SELENOO: variants seen among roughly 807,000 people sequenced by gnomAD.
The protein encoded by SELENOO is selenoprotein O.
A neutral mutation model predicts 58.7 loss-of-function variants in SELENOO; 74 were observed. That is an observed-to-expected ratio of 1.26 (90% CI 1.04 to 1.53). The LOEUF (loss-of-function observed/expected upper bound fraction) is 1.53. Among genes scored for constraint, SELENOO ranks in the 40% most tolerant of loss-of-function variants. SELENOO has a pLI of 0.00. For missense variants in SELENOO, 1,149 were observed against 970.0 expected (o/e 1.18, Z -2.45); for synonymous variants, 543 against 453.2 (o/e 1.20, Z -2.52).
intron 5 of SELENOO, among the ~76,000 whole-genome samples, chr22:50,211,983 G>A (rs1001653542): frequency 1.1e-4 from 17 of 152,230 alleles, no homozygotes; most frequent in African/African-American, 3.4e-4. Context: ...GATTATAGGC[G>A]TGAGCCACCG....
In SELENOO at chr22:50,201,537, C is replaced by T. The variant is rs1340501228; in HGVS notation, c.501C>T (p.Thr167=). 6.4e-6 allele frequency: 9 copies of T among 1,396,410 alleles called. No homozygotes were observed. The highest frequency in any genetic ancestry group is 7.5e-6 in the Non-Finnish European group (8 of 1,071,908). 86.5% of individuals were successfully genotyped at this position (1,396,410 alleles called of 1,614,324 possible). A position where few individuals can be genotyped will look rare whatever the true frequency, so the allele number is the denominator to read the frequency against. ...AMYLGEVCTA[T]GERWELQLKG... The stretch of plus-strand genomic sequence containing the variant: ...ACCTGGGCGAGGTGTGCACGGCGAC[C>T]GGCGAGCGCTGGGAGCTGCAGCTCA... The change falls in exon 1 of 9, where the codon ACC becomes ACT. Residue 167 remains threonine (T), a synonymous_variant. Transcript: ENST00000380903.
intron 2 of SELENOO, among the ~76,000 whole-genome samples, chr22:50,207,473 C>T (rs2064340250): frequency 1.3e-5 from 2 of 151,968 alleles, no homozygotes; most frequent in Non-Finnish European, 2.9e-5. Context: ...TCTAGCACTT[C>T]CTCCTGAACA....
At chr22:50,216,005 C>G in intron 6 of SELENOO, 138 bp downstream of exon 6, 1 of 668,802 alleles carries the variant, frequency 1.5e-6, no homozygotes, top group Non-Finnish European at 2.5e-6. Context: ...CAGATTCAGT[C>G]AGGGCTTCAG....
chr22:50,212,821 AC>A (rs2068455719), intron 5 of SELENOO, among the ~76,000 whole-genome samples: 1 of 151,096 alleles, frequency 6.6e-6, no homozygotes, highest in Non-Finnish European at 1.5e-5. Flanking sequence ...AAGTGGAGTT[AC>A]GCAGCGTGTG....
intron 6 of SELENOO, 55 bp downstream of exon 6, chr22:50,215,922 C>T: frequency 6.7e-7 from 1 of 1,491,054 alleles, no homozygotes; most frequent in Non-Finnish European, 9.2e-7. Context: ...GAAGCATAAT[C>T]AGAAACAGAG....
Position 50,201,113 on chromosome 22 carries a change from C to A in SELENOO, c.77C>A (p.Ser26Ter), listed in dbSNP as rs768040857. 3.0e-6 allele frequency: 4 copies of A among 1,341,458 alleles called. No homozygotes were observed. The South Asian group carries it at 7.6e-5, about 25-fold the overall frequency. The allele number at this position is 1,341,458 out of a possible 1,614,324, so 83.1% of individuals were successfully genotyped here. Residue 26 changes from serine to a stop codon, truncating the protein, a stop_gained, in exon 1 of 9, where the codon TCG becomes TAG. Coordinates refer to ENST00000380903, the MANE Select transcript of SELENOO (RefSeq NM_031454.2). LOFTEE classifies it high-confidence loss of function. ...TTGCCCCTCGGTCGCTGTTCCCCGTCGCCGGCGCCCCGCTCTACGTTGTCG... is the reference window on the plus strand; with the variant it reads ...TTGCCCCTCGGTCGCTGTTCCCCGTAGCCGGCGCCCCGCTCTACGTTGTCG... Reference protein sequence around the residue: ...RLLPLGRCSPSPAPRSTLSGA... With the variant: ...RLLPLGRCSP
At chr22:50,215,652 G>C in intron 5 of SELENOO, 65 bp from the exon 6 acceptor site, 6 of 1,258,566 alleles carry the variant, frequency 4.8e-6, no homozygotes, top group Non-Finnish European at 6.6e-6. Flanking sequence ...GGGGGGGTCT[G>C]TGTGGCACCA....
Position 50,201,481 on chromosome 22 carries a change from G to A in SELENOO, c.445G>A (p.Ala149Thr). ...CYCGHQFGQF[A>T]GQLGDGAAMY... ...CTGCGGCCACCAATTCGGCCAGTTC[G>A]CCGGGCAGCTGGGCGACGGCGCCGC... The change falls in exon 1 of 9, where the codon GCC (alanine) becomes ACC (threonine). Residue 149 changes from alanine (A) to threonine (T), a missense_variant. Coordinates refer to ENST00000380903, the MANE Select transcript of SELENOO (RefSeq NM_031454.2). 2 of 1,424,234 alleles carry A rather than the reference G, an allele frequency of 1.4e-6. No homozygotes were observed. Among genetic ancestry groups the A allele is most frequent in the Admixed American group, 2.6e-5 (1 of 38,488 alleles). The allele number at this position is 1,424,234 out of a possible 1,614,324, so 88.2% of individuals were successfully genotyped here.
Position 50,216,964 on chromosome 22 carries a change from CATTCCAG to C in SELENOO, c.1689-6_1689del, listed in dbSNP as rs1343761179. ...GGCTGTGACTCCAGAGCCCGGATGT[CATTCCAG>C]AGCCCGGCTGGACAAGGACCTGGAA... On this transcript the variant is annotated splice_acceptor_variant and splice_polypyrimidine_tract_variant and intron_variant, in intron 7 of 8. Coordinates refer to ENST00000380903, the MANE Select transcript of SELENOO (RefSeq NM_031454.2). LOFTEE classifies it high-confidence loss of function. 1.2e-6 allele frequency: 2 copies of C among 1,606,972 alleles called. No individual in the cohort carries two copies. Among genetic ancestry groups the C allele is most frequent in the East Asian group, 4.5e-5 (2 of 44,694 alleles).
intron 5 of SELENOO, 120 bp downstream of exon 5, chr22:50,211,031 T>C: frequency 9.8e-7 from 1 of 1,019,434 alleles, no homozygotes; most frequent in Non-Finnish European, 1.5e-6. Flanking sequence ...ACCCCAGCCC[T>C]GGCACCCCCA....
In SELENOO at chr22:50,216,997, G is replaced by A. The variant is rs1225667437; in HGVS notation, c.1714G>A (p.Gly572Ser). The A allele has an allele frequency of 6.2e-7, 1 of 1,610,998 alleles. No homozygotes were observed. The highest frequency in any genetic ancestry group is 1.7e-5 in the Admixed American group (1 of 60,000). Residue 572 changes from glycine to serine, a missense_variant, in exon 8 of 9, where the codon GGC (glycine) becomes AGC (serine). Transcript: ENST00000380903. ...AGCCCGGCTGGACAAGGACCTGGAA[G>A]GCGCTGGGGACGCTGCCGCCTGGCA... is the stretch of plus-strand genomic sequence containing the variant. ...YRARLDKDLE[G>S]AGDAAAWQAE...
In SELENOO at chr22:50,215,759, CA is replaced by C. The variant is rs760868825; in HGVS notation, c.1395del (p.Val466TrpfsTer3). On this transcript the variant is annotated frameshift_variant, in exon 6 of 9. Coordinates refer to ENST00000380903, the MANE Select transcript of SELENOO (RefSeq NM_031454.2). LOFTEE classifies it high-confidence loss of function. The stretch of plus-strand genomic sequence containing the variant: ...ACCTTCTACTTGCTGAGCTCCTTCC[CA>C]GTGGAGCTAGAGTCGCCAGGCCTGG... ...TNTFYLLSSF[P>X]VELESPGLAE... 3.7e-6 allele frequency: 6 copies of C among 1,611,138 alleles called. No individual in the cohort carries two copies. The highest frequency in any genetic ancestry group is 1.7e-4 in the Middle Eastern group (1 of 5,956).
chr22:50,201,725 G>A, intron 1 of SELENOO, 135 bp downstream of exon 1: 1 of 567,480 alleles, frequency 1.8e-6, no homozygotes, highest in Non-Finnish European at 2.6e-6. Flanking sequence ...GGAGCGCGGT[G>A]CTGGCAGCCG....
chr22:50,208,790 T>C (rs996624333), intron 3 of SELENOO, 74 bp downstream of exon 3: 2 of 1,441,316 alleles, frequency 1.4e-6, no homozygotes, highest in Admixed American at 3.7e-5. Flanking sequence ...GACACCCTCA[T>C]TTTGGCCGGG....
chr22:50,204,004 A>C (rs1299948239), intron 1 of SELENOO, among the ~76,000 whole-genome samples: 1 of 152,250 alleles, frequency 6.6e-6, no homozygotes, highest in Non-Finnish European at 1.5e-5. Flanking sequence ...CAGGAAAAAA[A>C]AATTCAAAAA....
chr22:50,208,515 C>T lies in SELENOO; in HGVS notation c.759-21C>T, dbSNP rs117080345. On this transcript the variant is annotated intron_variant, in intron 2 of 8. Transcript: ENST00000380903. ...GCTGGGGTCAGGTTTGGGCTGTTGACGCCTCGGGTCTTCCCTCCAGGTTTG... is the reference window on the plus strand; with the variant it reads ...GCTGGGGTCAGGTTTGGGCTGTTGATGCCTCGGGTCTTCCCTCCAGGTTTG... 2.5e-4 allele frequency: 396 copies of T among 1,607,528 alleles called. 3 individuals carry two copies. The East Asian group carries it at 7.2e-3, about 29-fold the overall frequency.
Position 50,210,867 on chromosome 22 carries a change from A to G in SELENOO, c.1307A>G (p.Asp436Gly). 1.2e-6 allele frequency: 2 copies of G among 1,614,120 alleles called. No individual in the cohort carries two copies. The highest frequency in any genetic ancestry group is 1.7e-6 in the Non-Finnish European group (2 of 1,180,028). Residue 436 changes from aspartate (D) to glycine (G), a missense_variant, in exon 5 of 9, where the codon GAC (aspartate) becomes GGC (glycine). Transcript: ENST00000380903. ...LGLVQVELEE[D>G]GALVSKLLET... ...CTCGTGCAGGTGGAGCTGGAGGAAGACGGGGCGCTGGTGTCCAAGCTCCTG... is the reference window on the plus strand; with the variant it reads ...CTCGTGCAGGTGGAGCTGGAGGAAGGCGGGGCGCTGGTGTCCAAGCTCCTG...
chr22:50,207,761 G>A (rs1001141804), intron 2 of SELENOO, among the ~76,000 whole-genome samples: 1 of 135,012 alleles, frequency 7.4e-6, no homozygotes, highest in Non-Finnish European at 1.6e-5. Context: ...CTTGCCTGAT[G>A]TCCCCTGGGG....
chr22:50,210,656 G>A lies in SELENOO; in HGVS notation c.1096G>A (p.Ala366Thr), dbSNP rs758666981. The stretch of plus-strand genomic sequence containing the variant: ...GTACGACCCCGACCACGTGTGCAAT[G>A]CCTCCGACAACACCGGCCGCTACGC... ...DRYDPDHVCN[A>T]SDNTGRYAYS... The change falls in exon 5 of 9, where the codon GCC (alanine) becomes ACC (threonine). Residue 366 changes from alanine to threonine, a missense_variant. Transcript: ENST00000380903. 5 of 1,612,854 alleles carry A rather than the reference G, an allele frequency of 3.1e-6. No homozygotes were observed. The highest frequency in any genetic ancestry group is 4.2e-6 in the Non-Finnish European group (5 of 1,179,886).
Sources: allele counts gnomAD v4.1 joint callset (sites outside exome capture counted in the v4.1 genomes callset), GRCh38; gene constraint gnomAD v4.1.1; transcripts MANE v1.5; gene names NCBI Gene and HGNC (gene_info 2026-07-23, HGNC 2026-07-21).